Variants in GNB4 observed in about 807,000 individuals in gnomAD.
GNB4 encodes the protein guanine nucleotide-binding protein subunit beta-4.
GNB4 carries 28 observed loss-of-function variants against 45.2 expected under a neutral mutation model. The observed-to-expected ratio is 0.62, with a 90% CI of 0.46 to 0.85. The LOEUF is 0.85. GNB4 is among the 40% of genes least tolerant of loss of function. The pLI, the probability that GNB4 is intolerant of heterozygous loss-of-function variation, is 0.00. For synonymous variants in GNB4, 132 were observed against 143.7 expected (o/e 0.92, Z 0.58); for missense variants, 321 against 425.4 (o/e 0.75, Z 2.16).
At chr3:179,428,744 C>T (rs999748127) in intron 1 of GNB4, among the ~76,000 whole-genome samples, 10 of 152,094 alleles carry the variant, frequency 6.6e-5, no homozygotes, top group African/African-American at 2.4e-4. Flanking sequence ...GCACTAGGAC[C>T]AAAGGCATGA....
At chr3:179,468,035 A>AAAAAAATATATATATATATATATATATAT in the GNB4 span, among the ~76,000 whole-genome samples, 7 of 89,862 alleles carry the variant, frequency 7.8e-5, no homozygotes, top group South Asian at 4.5e-4. Flanking sequence ...TGTTGATAAA[A>AAAAAAATATATATATATATATATATATAT]ATATATATAT....
At chr3:179,430,104 AG>A (rs1354104280) in intron 1 of GNB4, among the ~76,000 whole-genome samples, 26 of 151,744 alleles carry the variant, frequency 1.7e-4, no homozygotes, top group Admixed American at 1.4e-3. Flanking sequence ...ACAGACAGAC[AG>A]ACAGACAGAC....
At chr3:179,515,154 A>T in the GNB4 span, among the ~76,000 whole-genome samples, 2 of 152,264 alleles carry the variant, frequency 1.3e-5, no homozygotes, top group Non-Finnish European at 2.9e-5. Flanking sequence ...CTTAATAAAA[A>T]TAACAATAAA....
the GNB4 span, among the ~76,000 whole-genome samples, chr3:179,525,255 T>C: frequency 6.6e-6 from 1 of 152,192 alleles, no homozygotes; most frequent in East Asian, 1.9e-4. Context: ...TGCTATTTTC[T>C]GGCAATTTAG....
chr3:179,496,722 C>T, the GNB4 span, among the ~76,000 whole-genome samples: 1 of 151,842 alleles, frequency 6.6e-6, no homozygotes, highest in African/African-American at 2.4e-5. Flanking sequence ...TACATAAAGT[C>T]AAAACTGTAA....
chr3:179,433,510 T>C (rs1276133126), intron 1 of GNB4, among the ~76,000 whole-genome samples: 1 of 149,628 alleles, frequency 6.7e-6, no homozygotes, highest in Non-Finnish European at 1.5e-5. Flanking sequence ...GGAGGCTGAG[T>C]GGGGGGATCG....
At chr3:179,411,395 T>G (rs1714647015) in intron 8 of GNB4, among the ~76,000 whole-genome samples, 1 of 151,598 alleles carries the variant, frequency 6.6e-6, no homozygotes, top group South Asian at 2.1e-4. Flanking sequence ...TATCTTTGTT[T>G]GAATCATTTT....
chr3:179,477,807 C>T, the GNB4 span, among the ~76,000 whole-genome samples: 3 of 152,130 alleles, frequency 2.0e-5, no homozygotes, highest in Admixed American at 6.6e-5. Flanking sequence ...GTTCCATTCA[C>T]GACACTCTAG....
intron 6 of GNB4, among the ~76,000 whole-genome samples, chr3:179,414,374 A>G (rs966797014): frequency 1.3e-5 from 2 of 152,226 alleles, no homozygotes; most frequent in Non-Finnish European, 2.9e-5. Flanking sequence ...GCATGGTCAA[A>G]TAGTATGGCT....
the GNB4 span, among the ~76,000 whole-genome samples, chr3:179,496,135 T>G: frequency 2.6e-5 from 4 of 152,192 alleles, no homozygotes; most frequent in South Asian, 4.1e-4. Context: ...ATATCTACAA[T>G]TTTTTTAACA....
the GNB4 span, among the ~76,000 whole-genome samples, chr3:179,490,003 G>A: frequency 6.6e-6 from 1 of 152,142 alleles, no homozygotes; most frequent in African/African-American, 2.4e-5. Flanking sequence ...AACCTCTACA[G>A]AAATTGAGGA....
chr3:179,428,341 T>C (rs1268607927), intron 1 of GNB4, among the ~76,000 whole-genome samples: 2 of 152,214 alleles, frequency 1.3e-5, no homozygotes, highest in Non-Finnish European at 2.9e-5. Flanking sequence ...CTGATAAAGT[T>C]TGATTGTTTA....
chr3:179,431,630 G>A (rs558473237), intron 1 of GNB4, among the ~76,000 whole-genome samples: 4 of 151,624 alleles, frequency 2.6e-5, no homozygotes, highest in African/African-American at 9.7e-5. Flanking sequence ...TTATGGTACT[G>A]TTTAACTTGT....
the GNB4 span, among the ~76,000 whole-genome samples, chr3:179,456,832 C>A: frequency 6.6e-6 from 1 of 151,888 alleles, no homozygotes; most frequent in Non-Finnish European, 1.5e-5. Context: ...ATGTACCTTT[C>A]GAGACTGTCT....
Position 179,419,465 on chromosome 3 carries a change from C to T in GNB4, c.137G>A (p.Arg46Gln), listed in dbSNP as rs755914601. ...NMDSVGRIQM[R>Q]TRRTLRGHLA... ...GTGGCCCCTCAGTGTACGTCTTGTT[C>T]GCATTTGTATTCGACCCACAGAGTC... Residue 46 changes from arginine to glutamine, a missense_variant, in exon 4 of 10, where the codon CGA becomes CAA. By Grantham distance (43) the Arg-to-Gln change is conservative. Transcript: ENST00000232564. 14 of 1,612,772 alleles carry T rather than the reference C, an allele frequency of 8.7e-6. No homozygotes were observed. The highest frequency in any genetic ancestry group is 2.7e-5 in the African/African-American group (2 of 74,860).
intron 3 of GNB4, among the ~76,000 whole-genome samples, chr3:179,420,557 G>A (rs970168961): frequency 4.0e-5 from 6 of 151,342 alleles, no homozygotes; most frequent in African/African-American, 1.5e-4. Flanking sequence ...CTGCCTCCTG[G>A]GTTCAAGTAA....
At chr3:179,484,759 T>G in the GNB4 span, among the ~76,000 whole-genome samples, 1 of 152,092 alleles carries the variant, frequency 6.6e-6, no homozygotes, top group Non-Finnish European at 1.5e-5. Context: ...CCGACATTAG[T>G]TATAGTACTG....
chr3:179,413,518 G>A lies in GNB4; in HGVS notation c.593C>T (p.Thr198Ile), dbSNP rs1714710448. ...MSLSLSPDMRTFVSGACDASS... is the reference protein window; with the variant it reads ...MSLSLSPDMRIFVSGACDASS... ...GGCATCACAAGCACCAGAAACAAAA[G>A]TCCTCATGTCAGGACTCAAAGAAAG... Residue 198 changes from threonine to isoleucine, a missense_variant, in exon 8 of 10, where the codon ACT (threonine) becomes ATT (isoleucine). Physicochemically the swap from Thr to Ile is moderately conservative, Grantham distance 89. Coordinates refer to ENST00000232564, the MANE Select transcript of GNB4 (RefSeq NM_021629.4). 1.9e-6 allele frequency: 3 copies of A among 1,613,996 alleles called. No homozygotes were observed. Among genetic ancestry groups the A allele is most frequent in the Non-Finnish European group, 2.5e-6 (3 of 1,179,990 alleles).
At chr3:179,506,848 C>G in the GNB4 span, among the ~76,000 whole-genome samples, 1 of 152,066 alleles carries the variant, frequency 6.6e-6, no homozygotes, top group Non-Finnish European at 1.5e-5. Flanking sequence ...GGATTTCCTT[C>G]CCCTTATCTT....
Sources: allele counts gnomAD v4.1 joint callset (sites outside exome capture counted in the v4.1 genomes callset), GRCh38; gene constraint gnomAD v4.1.1; transcripts MANE v1.5; gene names NCBI Gene and HGNC (gene_info 2026-07-23, HGNC 2026-07-21).